Variants in EMSY observed in about 807,000 individuals in gnomAD.
EMSY encodes BRCA2-interacting transcriptional repressor EMSY.
In EMSY, 26 loss-of-function variants were observed where a neutral mutation model predicts 134.6. The observed-to-expected ratio is 0.19, with a 90% CI of 0.14 to 0.27. The LOEUF (loss-of-function observed/expected upper bound fraction) is 0.27. Ranked by LOEUF, EMSY falls within the 10% of genes least tolerant of loss-of-function variation. EMSY has a pLI of 1.00. For missense variants in EMSY, 1,305 were observed against 1,611.4 expected, an observed-to-expected ratio of 0.81 and a Z score of 3.26; for synonymous variants, 579 against 577.8, an observed-to-expected ratio of 1.00 and a Z score of -0.03.
chr11:76,513,996 C>T (rs1289897181), intron 10 of EMSY, among the ~76,000 whole-genome samples: 2 of 152,120 alleles, frequency 1.3e-5, no homozygotes, highest in African/African-American at 2.4e-5. Flanking sequence ...GTAAGCGTTA[C>T]TGAGACTGAG....
intron 8 of EMSY, among the ~76,000 whole-genome samples, chr11:76,484,536 C>G (rs1053760971): frequency 6.6e-6 from 1 of 152,092 alleles, no homozygotes; most frequent in Non-Finnish European, 1.5e-5. Context: ...AGAGAAGAAT[C>G]AAATAGACAC....
At chr11:76,490,590 G>T (rs942913622) in intron 8 of EMSY, among the ~76,000 whole-genome samples, 2 of 152,028 alleles carry the variant, frequency 1.3e-5, no homozygotes, top group African/African-American at 4.8e-5. Flanking sequence ...CCTTCCTTGT[G>T]CTATGGTTGT....
chr11:76,463,091 G>A (rs1334062694), intron 6 of EMSY, among the ~76,000 whole-genome samples: 1 of 151,982 alleles, frequency 6.6e-6, no homozygotes, highest in African/African-American at 2.4e-5. Flanking sequence ...CAAGGCGGGT[G>A]GATCACCTGA....
intron 6 of EMSY, chr11:76,460,366 A>T: frequency 3.5e-6 from 1 of 286,956 alleles, no homozygotes; most frequent in Non-Finnish European, 6.5e-6. Context: ...TTGTCATGAA[A>T]TAGAAATATT....
intron 8 of EMSY, among the ~76,000 whole-genome samples, chr11:76,475,286 A>G (rs1365724148): frequency 6.6e-6 from 1 of 152,214 alleles, no homozygotes; most frequent in African/African-American, 2.4e-5. Context: ...ACTGTATTAG[A>G]AAGATTACTG....
At chr11:76,467,536 C>G (rs1243174080) in intron 7 of EMSY, among the ~76,000 whole-genome samples, 1 of 152,142 alleles carries the variant, frequency 6.6e-6, no homozygotes, top group Non-Finnish European at 1.5e-5. Flanking sequence ...GAGACTTTGT[C>G]TTATTCTTCA....
chr11:76,515,134 T>C (rs1950404570), intron 10 of EMSY, among the ~76,000 whole-genome samples: 1 of 151,508 alleles, frequency 6.6e-6, no homozygotes, highest in South Asian at 2.1e-4. Context: ...CTACTTATTG[T>C]TCCTCCCGTT....
At chr11:76,484,012 C>T (rs1403343852) in intron 8 of EMSY, among the ~76,000 whole-genome samples, 1 of 152,194 alleles carries the variant, frequency 6.6e-6, no homozygotes, top group Non-Finnish European at 1.5e-5. Context: ...AAACACTTCT[C>T]AGCAAATGCA....
intron 8 of EMSY, among the ~76,000 whole-genome samples, chr11:76,489,749 C>T (rs756709799): frequency 1.1e-4 from 17 of 151,936 alleles, no homozygotes; most frequent in Non-Finnish European, 2.2e-4. Context: ...AGATTATGGG[C>T]GTGCACCACC....
exon 10 of EMSY, chr11:76,513,403 C>A (rs2136118821): frequency 6.2e-7 from 1 of 1,613,322 alleles, no homozygotes; most frequent in South Asian, 1.1e-5. Context: ...AATCATCACA[C>A]AACAGGTTCA....
intron 9 of EMSY, among the ~76,000 whole-genome samples, chr11:76,508,599 A>G (rs1283213591): frequency 6.6e-6 from 1 of 152,234 alleles, no homozygotes; most frequent in Non-Finnish European, 1.5e-5. Context: ...GAAGCCAGGC[A>G]TTGACTTCTT....
intron 2 of EMSY, among the ~76,000 whole-genome samples, chr11:76,448,587 T>C (rs903890738): frequency 6.6e-6 from 1 of 152,008 alleles, no homozygotes; most frequent in Admixed American, 6.6e-5. Flanking sequence ...TAATCAGAGC[T>C]GTGTGGGTAA....
chr11:76,452,049 A>G, intron 3 of EMSY, 92 bp downstream of exon 3: 9 of 797,410 alleles, frequency 1.1e-5, no homozygotes, highest in Non-Finnish European at 1.7e-5. Flanking sequence ...CTGTCAAATT[A>G]AGTTGAAGAA....
At chr11:76,448,314 G>A (rs900495600) in intron 2 of EMSY, among the ~76,000 whole-genome samples, 34 of 151,758 alleles carry the variant, frequency 2.2e-4, no homozygotes, top group African/African-American at 6.5e-4. Context: ...TGGAGAGGGT[G>A]TGGGGGATGT....
intron 10 of EMSY, 146 bp downstream of exon 11, chr11:76,513,681 T>A: frequency 1.4e-6 from 1 of 740,672 alleles, no homozygotes. Context: ...ACACCCCTAC[T>A]GACTGCCCTG....
At chr11:76,454,697 A>G in intron 4 of EMSY, 52 bp from the exon 5 acceptor site, 1 of 1,239,458 alleles carries the variant, frequency 8.1e-7, no homozygotes. Context: ...TCAGTTTCAT[A>G]CTTAAAGGAT....
intron 14 of EMSY, among the ~76,000 whole-genome samples, chr11:76,535,318 A>G (rs1042607950): frequency 2.0e-5 from 3 of 152,140 alleles, no homozygotes; most frequent in Admixed American, 2.0e-4. Flanking sequence ...GTCCTGTTAT[A>G]TCATGCTGGT....
chr11:76,480,986 G>A (rs1948954837), intron 8 of EMSY, among the ~76,000 whole-genome samples: 1 of 152,180 alleles, frequency 6.6e-6, no homozygotes, highest in South Asian at 2.1e-4. Context: ...ACAAAACTGG[G>A]TGGCCGTTTG....
intron 8 of EMSY, among the ~76,000 whole-genome samples, chr11:76,494,177 T>G (rs962134916): frequency 4.6e-5 from 7 of 152,156 alleles, no homozygotes; most frequent in African/African-American, 1.7e-4. Flanking sequence ...TTGACAGGTG[T>G]GGGATCCGGG....
Sources: allele counts gnomAD v4.1 joint callset (sites outside exome capture counted in the v4.1 genomes callset), GRCh38; gene constraint gnomAD v4.1.1; transcripts MANE v1.5; gene names NCBI Gene and HGNC (gene_info 2026-07-23, HGNC 2026-07-21).